Variants in SPOCK1 observed in about 807,000 individuals in gnomAD.
SPOCK1 encodes the protein SPARC (osteonectin), cwcv and kazal like domains proteoglycan 1.
Under a neutral mutation model 55.3 loss-of-function variants are expected in SPOCK1, and 23 were observed. That is an observed-to-expected ratio of 0.42 (90% CI 0.30 to 0.59). SPOCK1 has a LOEUF of 0.59. Among genes scored for constraint, SPOCK1 ranks in the 20% least tolerant of loss-of-function variants. The pLI is 0.22. For missense variants in SPOCK1, 499 were observed against 552.5 expected (o/e 0.90, Z 0.97); for synonymous variants, 226 against 221.0 (o/e 1.02, Z -0.20).
At chr5:137,405,014 C>G (rs1273056852) in intron 2 of SPOCK1, among the ~76,000 whole-genome samples, 1 of 152,188 alleles carries the variant, frequency 6.6e-6, no homozygotes, top group Non-Finnish European at 1.5e-5. Context: ...CCAGGTGATG[C>G]TCTTAATAAA....
chr5:137,442,596 A>G (rs1753038281), intron 2 of SPOCK1, among the ~76,000 whole-genome samples: 1 of 152,204 alleles, frequency 6.6e-6, no homozygotes, highest in Non-Finnish European at 1.5e-5. Flanking sequence ...GTGTGTGCCC[A>G]CACTCACACT....
intron 4 of SPOCK1, among the ~76,000 whole-genome samples, chr5:137,125,196 C>T (rs1753763947): frequency 6.6e-6 from 1 of 152,198 alleles, no homozygotes; most frequent in Non-Finnish European, 1.5e-5. Flanking sequence ...TTAACTGATT[C>T]ATTCATCCAT....
chr5:137,014,064 C>G (rs1296596192), intron 6 of SPOCK1, among the ~76,000 whole-genome samples: 4 of 152,112 alleles, frequency 2.6e-5, no homozygotes, highest in Admixed American at 6.5e-5. Flanking sequence ...GTGTTTGGAT[C>G]ATGGAGGTGG....
intron 2 of SPOCK1, among the ~76,000 whole-genome samples, chr5:137,476,117 T>C (rs181618077): frequency 3.4e-4 from 51 of 152,186 alleles, no homozygotes; most frequent in African/African-American, 1.2e-3. Flanking sequence ...GGGTTTTTTG[T>C]ACACATTATT....
At chr5:137,384,563 C>CATACATATATATATATATATATATAT (rs1554078729) in intron 2 of SPOCK1, among the ~76,000 whole-genome samples, 4 of 133,476 alleles carry the variant, frequency 3.0e-5, no homozygotes, top group African/African-American at 1.4e-4. Flanking sequence ...TACATACATA[C>CATACATATATATATATATATATATAT]ATATATATAT....
intron 2 of SPOCK1, among the ~76,000 whole-genome samples, chr5:137,494,369 T>C (rs988858581): frequency 2.0e-5 from 3 of 152,178 alleles, no homozygotes; most frequent in Non-Finnish European, 4.4e-5. Flanking sequence ...CAGCCCCTGA[T>C]TGGCTGTGGT....
intron 6 of SPOCK1, among the ~76,000 whole-genome samples, chr5:136,998,015 G>A (rs1224974467): frequency 6.6e-6 from 1 of 151,596 alleles, no homozygotes; most frequent in Non-Finnish European, 1.5e-5. Context: ...GCAAAATGGT[G>A]TAATAAAGCT....
chr5:136,979,508 C>G (rs778270482), intron 9 of SPOCK1, 39 bp from the exon 10 acceptor site: 1 of 1,510,876 alleles, frequency 6.6e-7, no homozygotes, highest in East Asian at 2.3e-5. Flanking sequence ...CAGAGACATG[C>G]AGATGATACT....
At chr5:137,403,628 G>A (rs1752031726) in intron 2 of SPOCK1, among the ~76,000 whole-genome samples, 1 of 152,036 alleles carries the variant, frequency 6.6e-6, no homozygotes, top group Non-Finnish European at 1.5e-5. Context: ...ATGGGATGGT[G>A]AGGGAGGCCT....
intron 3 of SPOCK1, among the ~76,000 whole-genome samples, chr5:137,263,243 A>C (rs748192593): frequency 1.3e-5 from 2 of 152,230 alleles, no homozygotes; most frequent in African/African-American, 2.4e-5. Flanking sequence ...TTACTGAAAG[A>C]CGCCTCAGAG....
At chr5:137,186,502 CTG>C in intron 3 of SPOCK1, among the ~76,000 whole-genome samples, 1 of 152,348 alleles carries the variant, frequency 6.6e-6, no homozygotes, top group East Asian at 1.9e-4. Context: ...CTGGACCAAA[CTG>C]GACAAGATAA....
intron 3 of SPOCK1, among the ~76,000 whole-genome samples, chr5:137,252,438 T>C (rs903482692): frequency 1.1e-4 from 17 of 152,184 alleles, no homozygotes; most frequent in South Asian, 2.1e-4. Context: ...ACTGAGAATA[T>C]TGTATGCAAA....
chr5:137,307,721 A>G (rs1217283594), intron 2 of SPOCK1, among the ~76,000 whole-genome samples: 1 of 152,202 alleles, frequency 6.6e-6, no homozygotes, highest in African/African-American at 2.4e-5. Flanking sequence ...TGCAGCCTGG[A>G]TGGACTGCCC....
chr5:137,271,037 A>T (rs1335781279), intron 2 of SPOCK1, among the ~76,000 whole-genome samples: 1 of 136,162 alleles, frequency 7.3e-6, no homozygotes, highest in Admixed American at 7.3e-5. Flanking sequence ...ATTAATTTTT[A>T]AAAAGTCACC....
rs10061751 is a variant in SPOCK1, at chr5:137,008,566, C to T, written c.590-15966G>A. Among the ~76,000 whole-genome samples the T allele has an allele frequency of 8.2e-3, 1,251 of 152,238 alleles. 9 individuals carry two copies. The highest frequency in any genetic ancestry group is 0.024 in the Middle Eastern group (7 of 294). On this transcript the variant is annotated intron_variant, in intron 6 of 10. Coordinates refer to ENST00000394945, the MANE Select transcript of SPOCK1 (RefSeq NM_004598.4). ...AACCAGGAACTACTGTTCTCATGAG[C>T]CCTTCCAAAGGAAATACTAGAGAAT...
chr5:136,996,540 A>G (rs1751042402), intron 6 of SPOCK1, among the ~76,000 whole-genome samples: 1 of 151,998 alleles, frequency 6.6e-6, no homozygotes, highest in Non-Finnish European at 1.5e-5. Flanking sequence ...TCCTGGTTTC[A>G]GCTTGCTTTT....
intron 2 of SPOCK1, among the ~76,000 whole-genome samples, chr5:137,308,762 C>A (rs1271245434): frequency 1.3e-5 from 2 of 152,154 alleles, no homozygotes; most frequent in Admixed American, 1.3e-4. Flanking sequence ...GACAGATACA[C>A]CATCTAAAGA....
At chr5:137,321,197 G>GAAAAAAAAAAAAA (rs754227950) in intron 2 of SPOCK1, among the ~76,000 whole-genome samples, 1 of 83,106 alleles carries the variant, frequency 1.2e-5, no homozygotes. Context: ...ACACCAACCA[G>GAAAAAAAAAAAAA]AAAAAAAAAA....
At chr5:137,001,259 G>A (rs1404657576) in intron 6 of SPOCK1, among the ~76,000 whole-genome samples, 4 of 152,104 alleles carry the variant, frequency 2.6e-5, no homozygotes, top group Non-Finnish European at 4.4e-5. Context: ...AGTAGCTGTC[G>A]GCTGTGATCT....
Sources: gnomAD v4.1 joint callset for allele counts (sites outside exome capture counted in the v4.1 genomes callset) on GRCh38, gnomAD v4.1.1 for gene constraint, MANE v1.5 for transcripts, NCBI Gene and HGNC (gene_info 2026-07-23, HGNC 2026-07-21) for gene names.